Variants in KIAA2012 observed in about 807,000 individuals in gnomAD.
The protein encoded by KIAA2012 is KIAA2012.
Under a neutral mutation model 150.6 loss-of-function variants are expected in KIAA2012, and 125 were observed. That is an observed-to-expected ratio of 0.83 (90% confidence interval 0.72 to 0.96). The LOEUF (loss-of-function observed/expected upper bound fraction) is 0.96. KIAA2012 is among the 40% of genes least tolerant of loss of function. The probability of loss-of-function intolerance (pLI) is 0.00; values close to 1 mark genes in which losing one functional copy is unlikely to be tolerated. For missense variants in KIAA2012, 1,219 were observed against 1,354.9 expected, an observed-to-expected ratio of 0.90 and a Z score of 1.57; for synonymous variants, 462 against 504.7, an observed-to-expected ratio of 0.92 and a Z score of 1.13.
At chr2:202,129,944 G>A (rs1690893781) in intron 12 of KIAA2012, among the ~76,000 whole-genome samples, 1 of 152,164 alleles carries the variant, frequency 6.6e-6, no homozygotes, top group Non-Finnish European at 1.5e-5. Context: ...AGCCTAGCCA[G>A]CCTCGCAGCA....
At chr2:202,186,204 A>C (rs909177778) in intron 16 of KIAA2012, among the ~76,000 whole-genome samples, 1 of 152,172 alleles carries the variant, frequency 6.6e-6, no homozygotes, top group Non-Finnish European at 1.5e-5. Flanking sequence ...GCTGAATTTG[A>C]TCAAGGATAG....
In KIAA2012 at chr2:202,188,257, G is replaced by A. The variant is rs763012488; in HGVS notation, c.2482G>A (p.Ala828Thr). 6 of 1,549,380 alleles carry A rather than the reference G, an allele frequency of 3.9e-6. No individual in the cohort carries two copies. The South Asian group carries it at 4.8e-5, about 12-fold the overall frequency. Residue 828 changes from alanine (A) to threonine (T), a missense_variant, in exon 18 of 24, where the codon GCT becomes ACT. Ala to Thr is a moderately conservative substitution (Grantham distance 58). Coordinates refer to ENST00000498697, the MANE Select transcript of KIAA2012 (RefSeq NM_001277372.4). ...AGGAAAGGTCTACGGGCAAGCAGAG[G>A]CTGCCATTGGTAAGAGAGTGTGCCT... ...REGKVYGQAEAAIGKSKDSKA... is the reference protein window; with the variant it reads ...REGKVYGQAETAIGKSKDSKA...
Position 202,075,175 on chromosome 2 carries a change from G to A in KIAA2012, c.369G>A (p.Gln123=). Residue 123 remains glutamine (Q), a splice_region_variant and synonymous_variant, in exon 2 of 24, where the codon CAG becomes CAA. Transcript: ENST00000498697. ...KEAILAYGRQ[Q]GEQDRAWQPY... The stretch of plus-strand genomic sequence containing the variant: ...CCATCCTGGCATATGGAAGGCAGCA[G>A]GTAGGCAGAACGCTCCCTTGGGTTT... 3 of 1,541,934 alleles carry A rather than the reference G, an allele frequency of 1.9e-6. No homozygotes were observed. The highest frequency in any genetic ancestry group is 2.0e-4 in the Middle Eastern group (1 of 4,932).
At chr2:202,196,016 C>T (rs139474941) in intron 21 of KIAA2012, among the ~76,000 whole-genome samples, 21 of 152,132 alleles carry the variant, frequency 1.4e-4, no homozygotes, top group Admixed American at 4.6e-4. Context: ...CCTCAACATG[C>T]TCATCTCCTC....
At chr2:202,138,591 T>G (rs1185589524) in intron 13 of KIAA2012, 83 bp downstream of exon 13, 47 of 968,770 alleles carry the variant, frequency 4.9e-5, no homozygotes, top group Middle Eastern at 2.1e-4. Flanking sequence ...TGCCCCTCAG[T>G]GAGACTCTTT....
intron 22 of KIAA2012, among the ~76,000 whole-genome samples, chr2:202,198,152 C>A: frequency 8.3e-6 from 1 of 120,366 alleles, no homozygotes; most frequent in Non-Finnish European, 1.6e-5. Context: ...CCAGCCTGGG[C>A]GACAAGAGCA....
intron 1 of KIAA2012, 98 bp from the exon 2 acceptor site, chr2:202,074,793 C>T: frequency 8.1e-7 from 1 of 1,232,664 alleles, no homozygotes; most frequent in East Asian, 2.5e-5. Context: ...CAGAGAAAAT[C>T]AGTAACTAAA....
intron 9 of KIAA2012, chr2:202,106,126 T>A (rs1690184626): frequency 1.5e-6 from 2 of 1,333,146 alleles, no homozygotes. Flanking sequence ...ACTTACTCCC[T>A]AACTCATCCC....
intron 13 of KIAA2012, among the ~76,000 whole-genome samples, chr2:202,144,844 A>G (rs1691265611): frequency 6.6e-6 from 1 of 152,216 alleles, no homozygotes; most frequent in Admixed American, 6.5e-5. Context: ...ATTAAGATCC[A>G]TGTTCTGAAT....
chr2:202,096,364 G>A (rs1689886229), intron 4 of KIAA2012, among the ~76,000 whole-genome samples: 1 of 152,046 alleles, frequency 6.6e-6, no homozygotes, highest in Non-Finnish European at 1.5e-5. Flanking sequence ...GATTTCCCTG[G>A]GCCACTAAAA....
At chr2:202,082,068 A>C (rs1689462468) in intron 2 of KIAA2012, among the ~76,000 whole-genome samples, 1 of 152,188 alleles carries the variant, frequency 6.6e-6, no homozygotes, top group African/African-American at 2.4e-5. Context: ...TTACCTAGTG[A>C]TAAATGACAT....
intron 2 of KIAA2012, among the ~76,000 whole-genome samples, chr2:202,085,487 G>A (rs1399151683): frequency 6.6e-6 from 1 of 152,120 alleles, no homozygotes; most frequent in Non-Finnish European, 1.5e-5. Flanking sequence ...TGAAGATGGA[G>A]GAAAGGGCCA....
chr2:202,109,932 T>A, intron 10 of KIAA2012, 143 bp downstream of exon 10: 1 of 734,770 alleles, frequency 1.4e-6, no homozygotes, highest in African/African-American at 1.8e-5. Context: ...ATGATGTCAG[T>A]GGGATTAATG....
intron 2 of KIAA2012, among the ~76,000 whole-genome samples, chr2:202,086,755 C>T (rs1389036745): frequency 6.6e-6 from 1 of 152,176 alleles, no homozygotes; most frequent in African/African-American, 2.4e-5. Context: ...AACCCATGCA[C>T]TCTGGCCCTA....
At chr2:202,163,313 A>G (rs1180756983) in intron 14 of KIAA2012, among the ~76,000 whole-genome samples, 1 of 151,924 alleles carries the variant, frequency 6.6e-6, no homozygotes, top group African/African-American at 2.4e-5. Flanking sequence ...CATGTTGGCC[A>G]GGCTGGTCTC....
rs58170361 is a variant in KIAA2012, at chr2:202,074,303, A to G, written c.85-588A>G. On this transcript the variant is annotated intron_variant, in intron 1 of 23. Coordinates refer to ENST00000498697, the MANE Select transcript of KIAA2012 (RefSeq NM_001277372.4). ...GGGTCATACAGAGATTTCCATTGTC[A>G]TGGTACTTTGTCATGATATTTGACC... 8.5e-5 allele frequency among the ~76,000 whole-genome samples: 13 copies of G among 152,222 alleles called. No homozygotes were observed. In the East Asian group the frequency reaches 2.5e-3, roughly 29 times the overall value.
intron 15 of KIAA2012, among the ~76,000 whole-genome samples, chr2:202,168,489 T>C (rs1691820049): frequency 1.3e-5 from 2 of 151,378 alleles, no homozygotes; most frequent in Non-Finnish European, 2.9e-5. Flanking sequence ...GGGATATTCA[T>C]CTACTCTTTA....
intron 16 of KIAA2012, among the ~76,000 whole-genome samples, chr2:202,185,274 C>T (rs1692205117): frequency 6.6e-6 from 1 of 152,164 alleles, no homozygotes; most frequent in Non-Finnish European, 1.5e-5. Context: ...GAGTGCTTCC[C>T]ATGTACTGTA....
At chr2:202,136,337 G>A (rs561501092) in intron 12 of KIAA2012, 1 of 154,942 alleles carries the variant, frequency 6.5e-6, no homozygotes, top group African/African-American at 2.4e-5. Flanking sequence ...GGCGCATCCG[G>A]AGTTGTTCAT....
Sources: allele counts gnomAD v4.1 joint callset (sites outside exome capture counted in the v4.1 genomes callset), GRCh38; gene constraint gnomAD v4.1.1; transcripts MANE v1.5; gene names NCBI Gene and HGNC (gene_info 2026-07-23, HGNC 2026-07-21).